The following LARS1 variants were observed in gnomAD, a reference collection of about 807,000 sequenced individuals.
LARS1 encodes leucine--tRNA ligase, cytoplasmic.
A neutral mutation model predicts 162.8 loss-of-function variants in LARS1; 100 were observed. That is an observed-to-expected ratio of 0.61 (90% confidence interval 0.52 to 0.73). The LOEUF (loss-of-function observed/expected upper bound fraction) is 0.73. Ranked by LOEUF, LARS1 falls within the 30% of genes least tolerant of loss-of-function variation. The pLI, the probability that LARS1 is intolerant of heterozygous loss-of-function variation, is 0.00. For missense variants in LARS1, 1,258 were observed against 1,408.9 expected (o/e 0.89, Z 1.71); for synonymous variants, 457 against 462.8 (o/e 0.99, Z 0.16).
At chr5:146,160,705 G>A (rs972775026) in intron 6 of LARS1, among the ~76,000 whole-genome samples, 1 of 151,892 alleles carries the variant, frequency 6.6e-6, no homozygotes, top group Admixed American at 6.6e-5. Context: ...CAAACATATA[G>A]AAGCTATAAT....
chr5:146,145,151 CACT>C (rs1206156402), intron 15 of LARS1, among the ~76,000 whole-genome samples: 1 of 152,092 alleles, frequency 6.6e-6, no homozygotes, highest in East Asian at 1.9e-4. Flanking sequence ...TATCATGGCT[CACT>C]ACAACCTCGA....
rs17500456 is a variant in LARS1, at chr5:146,151,550, G to C, written c.1425+312C>G. Among the ~76,000 whole-genome samples the C allele has an allele frequency of 0.22, 33,886 of 152,096 alleles. 4,836 individuals are homozygous for C. Among genetic ancestry groups the C allele is most frequent in the Admixed American group, 0.34 (5,129 of 15,286 alleles). On this transcript the variant is annotated intron_variant, in intron 14 of 31. Coordinates refer to ENST00000394434, the MANE Select transcript of LARS1 (RefSeq NM_020117.11). Reference sequence around the variant, plus strand: ...ACTAAAAGAGCAAAAGAAGGGACCAGGTATTCTCCATTCAATAAATCTTTG... The same window carrying C: ...ACTAAAAGAGCAAAAGAAGGGACCACGTATTCTCCATTCAATAAATCTTTG...
chr5:146,151,109 AG>A (rs1377872261), intron 14 of LARS1, among the ~76,000 whole-genome samples: 3 of 152,192 alleles, frequency 2.0e-5, no homozygotes, highest in African/African-American at 7.2e-5. Context: ...CGTAAATTGG[AG>A]ATAAGAGTGC....
At chr5:146,117,965 T>C (rs1362889743) in intron 31 of LARS1, among the ~76,000 whole-genome samples, 1 of 152,156 alleles carries the variant, frequency 6.6e-6, no homozygotes, top group Admixed American at 6.5e-5. Flanking sequence ...CCTCAAAGTA[T>C]TAAAAATAGA....
chr5:146,159,564 T>C (rs989882683), intron 7 of LARS1, 94 bp from the exon 8 acceptor site: 1 of 853,952 alleles, frequency 1.2e-6, no homozygotes, highest in Non-Finnish European at 1.9e-6. Flanking sequence ...CTTACATGTC[T>C]TGCAACTAGA....
At chr5:146,133,843 GTTTT>G (rs1281158024) in intron 22 of LARS1, among the ~76,000 whole-genome samples, 9 of 152,060 alleles carry the variant, frequency 5.9e-5, no homozygotes, top group Middle Eastern at 3.4e-3. Context: ...ACATATCTAT[GTTTT>G]TTGTTTGTTT....
chr5:146,125,511 A>G (rs559592026), intron 28 of LARS1, among the ~76,000 whole-genome samples: 8 of 152,098 alleles, frequency 5.3e-5, no homozygotes, highest in African/African-American at 1.7e-4. Context: ...TACTGAGCCT[A>G]CTTCTTGACT....
chr5:146,148,391 A>G (rs1753114717), intron 15 of LARS1, among the ~76,000 whole-genome samples: 1 of 152,228 alleles, frequency 6.6e-6, no homozygotes, highest in African/African-American at 2.4e-5. Flanking sequence ...ACTGAGTAAG[A>G]AAAGAAATAG....
At chr5:146,155,148 G>A (rs182581860) in intron 10 of LARS1, among the ~76,000 whole-genome samples, 63 of 152,092 alleles carry the variant, frequency 4.1e-4, no homozygotes, top group Middle Eastern at 3.4e-3. Flanking sequence ...CACCGTGCCC[G>A]TCCCGGAAAA....
rs564185845 is a variant in LARS1 at position 146,146,222 on chromosome 5, G to A, written c.1504-1513C>T. On this transcript the variant is annotated intron_variant, in intron 15 of 31. Coordinates refer to ENST00000394434, the MANE Select transcript of LARS1 (RefSeq NM_020117.11). ...GGGCATGGTGGCGCACACCTGTAAC[G>A]CCCAGCTACTTGGGAGGCTGAGGCA... 3.3e-5 allele frequency among the ~76,000 whole-genome samples: 5 copies of A among 151,752 alleles called. No homozygotes were observed. In the East Asian group the frequency reaches 7.8e-4, roughly 24 times the overall value.
At chr5:146,159,332 T>C (rs1753671350) in intron 8 of LARS1, 75 bp downstream of exon 8, 3 of 1,200,358 alleles carry the variant, frequency 2.5e-6, no homozygotes, top group African/African-American at 3.1e-5. Flanking sequence ...AAGTTATTTT[T>C]AGGTTTCTAT....
intron 29 of LARS1, 110 bp from the exon 30 acceptor site, chr5:146,122,697 T>C: frequency 2.0e-6 from 1 of 507,470 alleles, no homozygotes; most frequent in Non-Finnish European, 3.6e-6. Flanking sequence ...TAACATGAAA[T>C]GGTCTGTGCA....
intron 5 of LARS1, 70 bp from the exon 6 acceptor site, chr5:146,164,541 T>C (rs1753916885): frequency 1.4e-6 from 2 of 1,416,278 alleles, no homozygotes; most frequent in African/African-American, 2.9e-5. Flanking sequence ...ACCCAAGATA[T>C]TAATGAATGT....
chr5:146,169,905 G>T (rs547703527), intron 4 of LARS1, among the ~76,000 whole-genome samples: 4 of 152,048 alleles, frequency 2.6e-5, no homozygotes, highest in African/African-American at 9.7e-5. Context: ...AACCTGGCAG[G>T]ATTAACTTAA....
chr5:146,113,050 C>A lies in LARS1; in HGVS notation c.*1056G>T, dbSNP rs1331677223. 4 of 152,112 alleles carry A rather than the reference C, an allele frequency of 2.6e-5. No individual in the cohort carries two copies. The highest frequency in any genetic ancestry group is 4.4e-5 in the Non-Finnish European group (3 of 68,020). The allele number at this position is 152,112 out of a possible 1,614,324, so 9.4% of individuals were successfully genotyped here. ...ATAAATCTGTAATAGTCAGCATGAC[C>A]TCTATTTTATTGATTGATTGATGGA... is the stretch of plus-strand genomic sequence containing the variant. On this transcript the variant is annotated 3_prime_UTR_variant, in exon 32 of 32. Coordinates refer to ENST00000394434, the MANE Select transcript of LARS1 (RefSeq NM_020117.11).
At position 146,171,909 on chromosome 5, in the gene LARS1, C is replaced by T; in HGVS notation, c.294+1G>A. 1 of 1,609,936 alleles carries T rather than the reference C, an allele frequency of 6.2e-7. No individual in the cohort carries two copies. On this transcript the variant is annotated splice_donor_variant, in intron 4 of 31. Coordinates refer to ENST00000394434, the MANE Select transcript of LARS1 (RefSeq NM_020117.11). LOFTEE classifies it high-confidence loss of function. ...GAAACCAATCCTATTAGCGATCTTA[C>T]CTTAATAGGCATTCCAGTACAGTGC...
In LARS1 at chr5:146,168,177, C is replaced by A; in HGVS notation, c.383G>T (p.Ser128Ile). Reference sequence around the variant, plus strand: ...AATTATTATATCTTCTGTTTTAACACTGGTTTCTTCCTCTTCCTCTTCTTC... The same window carrying A: ...AATTATTATATCTTCTGTTTTAACAATGGTTTCTTCCTCTTCCTCTTCTTC... ...PDEEEEEEET[S>I]VKTEDIIIKD... The change falls in exon 5 of 32, where the codon AGT (serine) becomes ATT (isoleucine). Residue 128 changes from serine to isoleucine, a missense_variant. By Grantham distance (142) the Ser-to-Ile change is moderately radical (BLOSUM62 -2). Coordinates refer to ENST00000394434, the MANE Select transcript of LARS1 (RefSeq NM_020117.11). 6.2e-7 allele frequency: 1 copy of A among 1,611,710 alleles called. No homozygotes were observed. The highest frequency in any genetic ancestry group is 8.5e-7 in the Non-Finnish European group (1 of 1,177,882).
At chr5:146,181,841 A>ATTTT (rs1181046830) in intron 1 of LARS1, among the ~76,000 whole-genome samples, 24 of 23,950 alleles carry the variant, frequency 1.0e-3, no homozygotes, top group East Asian at 2.5e-3. Flanking sequence ...GAGGCGCTCA[A>ATTTT]TTTTTTCTTT....
chr5:146,154,217 G>A (rs1753420215), intron 10 of LARS1, among the ~76,000 whole-genome samples: 1 of 152,044 alleles, frequency 6.6e-6, no homozygotes, highest in African/African-American at 2.4e-5. Context: ...CAAGGCTAGA[G>A]TGTAGAGGCT....
Sources: allele counts gnomAD v4.1 joint callset (sites outside exome capture counted in the v4.1 genomes callset), GRCh38; gene constraint gnomAD v4.1.1; transcripts MANE v1.5; gene names NCBI Gene and HGNC (gene_info 2026-07-23, HGNC 2026-07-21).